Variants in TOGARAM1 observed in about 807,000 individuals in gnomAD.
The protein encoded by TOGARAM1 is TOG array regulator of axonemal microtubules protein 1.
In TOGARAM1, 100 loss-of-function variants were observed where a neutral mutation model predicts 166.6. That is an observed-to-expected ratio of 0.60 (90% confidence interval 0.51 to 0.71). TOGARAM1 has a LOEUF of 0.71. Among genes scored for constraint, TOGARAM1 ranks in the 30% least tolerant of loss-of-function variants. The probability of loss-of-function intolerance (pLI) is 0.00; values close to 1 mark genes in which losing one functional copy is unlikely to be tolerated. For missense variants in TOGARAM1, 2,029 were observed against 2,102.7 expected (o/e 0.96, Z 0.69); for synonymous variants, 758 against 763.8 (o/e 0.99, Z 0.13).
In TOGARAM1 at chr14:44,965,869, ATTTTT is replaced by A. The variant is rs747983176; in HGVS notation, c.2046+1421_2046+1425del. The stretch of plus-strand genomic sequence containing the variant: ...TTACACTGGGGGCTTACAAATAGTA[ATTTTT>A]TTTTTTTTTTTTTTTTTTGAGATGG... On this transcript the variant is annotated intron_variant, in intron 1 of 19. Coordinates refer to ENST00000361462, the MANE Select transcript of TOGARAM1 (RefSeq NM_001308120.2). 1.9e-4 allele frequency among the ~76,000 whole-genome samples: 23 copies of A among 120,492 alleles called. No homozygotes were observed. In the East Asian group the frequency reaches 3.7e-3, roughly 19 times the overall value. The allele number at this position is 120,492 out of a possible 152,430, so 79.0% of individuals were successfully genotyped here.
chr14:45,021,433 G>C (rs1410471797), intron 7 of TOGARAM1, among the ~76,000 whole-genome samples: 5 of 152,140 alleles, frequency 3.3e-5, no homozygotes, highest in Non-Finnish European at 7.3e-5. Context: ...TGGCATGGAG[G>C]GGGTGCAGTG....
rs528179800 is a variant in TOGARAM1 at position 45,021,402 on chromosome 14, C to T, written c.3239-4381C>T. 1.5e-4 allele frequency among the ~76,000 whole-genome samples: 22 copies of T among 146,980 alleles called. No individual in the cohort carries two copies. The East Asian group carries it at 3.8e-3, about 25-fold the overall frequency. ...CATTCTCCATAGAAACTCTTGGTAA[C>T]GGGAGCTACTGGTCATACAGTGGCA... On this transcript the variant is annotated intron_variant, in intron 7 of 19. Coordinates refer to ENST00000361462, the MANE Select transcript of TOGARAM1 (RefSeq NM_001308120.2).
chr14:45,037,588 C>A (rs1881497787), intron 11 of TOGARAM1, among the ~76,000 whole-genome samples: 1 of 152,148 alleles, frequency 6.6e-6, no homozygotes, highest in South Asian at 2.1e-4. Flanking sequence ...GAGGACATGG[C>A]AGTCCTGATG....
At chr14:45,054,356 G>A in intron 15 of TOGARAM1, 75 bp from the exon 16 acceptor site, 1 of 913,092 alleles carries the variant, frequency 1.1e-6, no homozygotes, top group South Asian at 1.8e-5. Context: ...TGCCTACTTT[G>A]AAAATTACAT....
chr14:45,031,847 A>C (rs1424392346), intron 10 of TOGARAM1, among the ~76,000 whole-genome samples: 1 of 152,158 alleles, frequency 6.6e-6, no homozygotes, highest in Non-Finnish European at 1.5e-5. Flanking sequence ...TAGTCAGAAT[A>C]ATGTTTGTAC....
intron 7 of TOGARAM1, among the ~76,000 whole-genome samples, chr14:45,014,805 T>C (rs1425712492): frequency 6.6e-6 from 1 of 152,196 alleles, no homozygotes; most frequent in Non-Finnish European, 1.5e-5. Flanking sequence ...ATGAGTCTTA[T>C]TTTATGAATT....
intron 7 of TOGARAM1, among the ~76,000 whole-genome samples, chr14:45,020,507 C>T (rs1226032859): frequency 6.6e-6 from 1 of 152,182 alleles, no homozygotes; most frequent in Non-Finnish European, 1.5e-5. Flanking sequence ...ACCTAATCTG[C>T]CTAGCATTCC....
intron 7 of TOGARAM1, among the ~76,000 whole-genome samples, chr14:45,014,202 C>T (rs1566634313): frequency 6.6e-6 from 1 of 151,990 alleles, no homozygotes; most frequent in African/African-American, 2.4e-5. Context: ...CCTGCCACTA[C>T]GCCTGGCTAA....
In TOGARAM1 at chr14:44,964,446, CA is replaced by C; in HGVS notation, c.2026del (p.Thr676LeufsTer5). The C allele has an allele frequency of 6.3e-7, 1 of 1,591,534 alleles. No homozygotes were observed. The highest frequency in any genetic ancestry group is 8.6e-7 in the Non-Finnish European group (1 of 1,168,420). On this transcript the variant is annotated frameshift_variant, in exon 1 of 20. Transcript: ENST00000361462. LOFTEE classifies it high-confidence loss of function. ...PGIMGENQTS[T>X]SKDIEQFSTY... Reference sequence around the variant, plus strand: ...GAATCATGGGAGAAAACCAGACCTCCACTTCCAAGGATATAGAGCAGGTATG... The same window carrying C: ...GAATCATGGGAGAAAACCAGACCTCCCTTCCAAGGATATAGAGCAGGTATG...
At position 45,044,907 on chromosome 14, in the gene TOGARAM1, A is replaced by G. The variant is rs898318552; in HGVS notation, c.4154+37A>G. Reference sequence around the variant, plus strand: ...AATAACCTTGAAATGTCTTTAAACAAAAAATGAAATGTTGCAATCGGGACT... The same window carrying G: ...AATAACCTTGAAATGTCTTTAAACAGAAAATGAAATGTTGCAATCGGGACT... On this transcript the variant is annotated intron_variant, in intron 13 of 19. Coordinates refer to ENST00000361462, the MANE Select transcript of TOGARAM1 (RefSeq NM_001308120.2). 1.5e-5 allele frequency: 22 copies of G among 1,493,702 alleles called. 1 individual carries two copies. Among genetic ancestry groups the G allele is most frequent in the Non-Finnish European group, 2.0e-5 (22 of 1,088,552 alleles). 92.5% of individuals were successfully genotyped at this position (1,493,702 alleles called of 1,614,324 possible).
At chr14:44,990,595 A>G (rs1174275019) in intron 1 of TOGARAM1, among the ~76,000 whole-genome samples, 1 of 152,200 alleles carries the variant, frequency 6.6e-6, no homozygotes, top group Non-Finnish European at 1.5e-5. Flanking sequence ...GCAGTTTGCA[A>G]TATTTTTTCC....
At chr14:44,980,462 C>G (rs1304723235) in intron 1 of TOGARAM1, among the ~76,000 whole-genome samples, 1 of 152,134 alleles carries the variant, frequency 6.6e-6, no homozygotes, top group African/African-American at 2.4e-5. Context: ...GAGCAGATCA[C>G]TTGAGGTCAG....
At chr14:45,026,835 C>CAAAAAA (rs57156294) in intron 8 of TOGARAM1, among the ~76,000 whole-genome samples, 2 of 139,670 alleles carry the variant, frequency 1.4e-5, no homozygotes, top group African/African-American at 5.3e-5. Context: ...CCATCTCTAC[C>CAAAAAA]AAAAAAAAAA....
At chr14:45,011,443 G>A (rs1879786530) in intron 6 of TOGARAM1, among the ~76,000 whole-genome samples, 4 of 152,104 alleles carry the variant, frequency 2.6e-5, no homozygotes, top group African/African-American at 9.7e-5. Context: ...CTCTGTAGTA[G>A]CTGGGACTAC....
At chr14:45,066,908 C>A (rs1883166601) in intron 17 of TOGARAM1, 141 bp downstream of exon 17, 1 of 515,324 alleles carries the variant, frequency 1.9e-6, no homozygotes, top group South Asian at 4.4e-5. Context: ...CATAGCAAGA[C>A]CCTGTCTCTA....
At chr14:44,985,399 A>G (rs1886741720) in intron 1 of TOGARAM1, among the ~76,000 whole-genome samples, 1 of 152,152 alleles carries the variant, frequency 6.6e-6, no homozygotes, top group Non-Finnish European at 1.5e-5. Flanking sequence ...AGCAGTCCCC[A>G]ATCCTTTTGG....
intron 1 of TOGARAM1, among the ~76,000 whole-genome samples, chr14:44,986,895 C>A (rs1007832648): frequency 7.3e-5 from 11 of 150,542 alleles, no homozygotes; most frequent in Admixed American, 6.6e-4. Flanking sequence ...AGTCCTAGCT[C>A]CTCGGGAGGC....
intron 1 of TOGARAM1, among the ~76,000 whole-genome samples, chr14:44,972,181 G>A (rs750347576): frequency 7.2e-5 from 11 of 152,030 alleles, no homozygotes; most frequent in African/African-American, 1.2e-4. Flanking sequence ...TTTGGGACAG[G>A]ATACAAACCC....
intron 7 of TOGARAM1, among the ~76,000 whole-genome samples, chr14:45,012,527 A>G (rs1879869327): frequency 6.6e-6 from 1 of 152,218 alleles, no homozygotes. Flanking sequence ...TTGTGAACTA[A>G]CCTGTAAGTC....
Sources: gnomAD v4.1 joint callset for allele counts (sites outside exome capture counted in the v4.1 genomes callset) on GRCh38, gnomAD v4.1.1 for gene constraint, MANE v1.5 for transcripts, NCBI Gene and HGNC (gene_info 2026-07-23, HGNC 2026-07-21) for gene names.